Variants in LRRC41 observed in about 807,000 individuals in gnomAD.
LRRC41 encodes leucine rich repeat containing 41.
In LRRC41, 17 loss-of-function variants were observed where a neutral mutation model predicts 72.1. That is an observed-to-expected ratio of 0.24 (90% CI 0.16 to 0.35). The LOEUF is 0.35. Among genes scored for constraint, LRRC41 ranks in the 10% least tolerant of loss-of-function variants. The pLI, the probability that LRRC41 is intolerant of heterozygous loss-of-function variation, is 1.00. For synonymous variants in LRRC41, 427 were observed against 431.0 expected, an observed-to-expected ratio of 0.99 and a Z score of 0.11; for missense variants, 759 against 1,065.0, an observed-to-expected ratio of 0.71 and a Z score of 4.00.
chr1:46,290,970 G>C (rs926461107), intron 3 of LRRC41, among the ~76,000 whole-genome samples: 2 of 137,030 alleles, frequency 1.5e-5, no homozygotes, highest in South Asian at 4.7e-4. Flanking sequence ...TGTTGCCCAG[G>C]CTGGAGTACA....
In LRRC41 at chr1:46,286,248, C is replaced by T. The variant is rs779946767; in HGVS notation, c.609G>A (p.Leu203=). 1 of 1,614,266 alleles carries T rather than the reference C, an allele frequency of 6.2e-7. No homozygotes were observed. Among genetic ancestry groups the T allele is most frequent in the Non-Finnish European group, 8.5e-7 (1 of 1,180,048 alleles). The change falls in exon 4 of 10, where the codon CTG becomes CTA. Residue 203 remains leucine, a synonymous_variant. Coordinates refer to ENST00000617190, the MANE Select transcript of LRRC41 (RefSeq NM_006369.5). This position sits in a 1 kb window ranked among gnomAD's most constrained non-coding sequence, Gnocchi z 5.5. ...GCTGAGCAGCCACATCAGAGAACAG[C>T]AGGTGGCGGAACTTGAGAGTGTGCA... The part of the protein sequence containing the change: ...SSLHTLKFRH[L]LFSDVAAQQS...
Position 46,285,594 on chromosome 1 carries a change from A to G in LRRC41, c.1263T>C (p.Ala421=). 1.2e-6 allele frequency: 2 copies of G among 1,613,714 alleles called. No individual in the cohort carries two copies. The highest frequency in any genetic ancestry group is 1.7e-6 in the Non-Finnish European group (2 of 1,179,708). The stretch of plus-strand genomic sequence containing the variant: ...TCTCTTCGCCATCCTCCTTCTCGCC[A>G]GCCACAATAAAAACGAAGTCATACA... ...EDLYDFVFIV[A]GEKEDGEEME... The change falls in exon 4 of 10, where the codon GCT becomes GCC. Residue 421 remains alanine (A), a synonymous_variant. Transcript: ENST00000617190. The surrounding 1 kb of genome is among the most constrained non-coding windows in gnomAD (Gnocchi z 5.3).
chr1:46,302,146 G>A lies in LRRC41; in HGVS notation c.199+978C>T. ...CCCAGGCCGCCCTCCATCCAGGCCC[G>A]GCCCTTTGGTCCCGGCCGCCTTCAG... is the stretch of plus-strand genomic sequence containing the variant. On this transcript the variant is annotated intron_variant, in intron 1 of 9. Coordinates refer to ENST00000617190, the MANE Select transcript of LRRC41 (RefSeq NM_006369.5). The surrounding 1 kb of genome is among the most constrained non-coding windows in gnomAD (Gnocchi z 4.7). 1 of 984,976 alleles carries A rather than the reference G, an allele frequency of 1.0e-6. No homozygotes were observed. The highest frequency in any genetic ancestry group is 1.2e-6 in the Non-Finnish European group (1 of 829,794). 61.0% of individuals were successfully genotyped at this position (984,976 alleles called of 1,614,324 possible).
At position 46,280,062 on chromosome 1, in the gene LRRC41, T is replaced by C. The variant is rs575964518; in HGVS notation, c.2020+130A>G. ...GTTGGGGCTTTTAGAAGGAAAATCA[T>C]GCAGGTTCTATATCCATTTTATAGC... On this transcript the variant is annotated intron_variant, in intron 7 of 9. Transcript: ENST00000617190. The C allele has an allele frequency of 4.6e-5, 32 of 689,040 alleles. No homozygotes were observed. The African/African-American group carries it at 5.7e-4, about 12-fold the overall frequency. 42.7% of individuals were successfully genotyped at this position (689,040 alleles called of 1,614,324 possible). A position where few individuals can be genotyped will look rare whatever the true frequency, so the allele number is the denominator to read the frequency against.
At chr1:46,288,131 C>T (rs761711587) in intron 3 of LRRC41, among the ~76,000 whole-genome samples, 1 of 152,144 alleles carries the variant, frequency 6.6e-6, no homozygotes, top group African/African-American at 2.4e-5. Flanking sequence ...GAGGTAAGGT[C>T]AAGACATCTT....
intron 1 of LRRC41, chr1:46,301,919 C>T (rs1661238322): frequency 1.0e-6 from 1 of 978,978 alleles, no homozygotes; most frequent in South Asian, 4.7e-5. Context: ...GAGCCAGCAG[C>T]CTCTCAGGCC....
At position 46,279,979 on chromosome 1, in the gene LRRC41, T is replaced by C. The variant is rs967296330; in HGVS notation, c.2020+213A>G. On this transcript the variant is annotated intron_variant, in intron 7 of 9. Coordinates refer to ENST00000617190, the MANE Select transcript of LRRC41 (RefSeq NM_006369.5). This position sits in a 1 kb window ranked among gnomAD's most constrained non-coding sequence, Gnocchi z 4.5. ...TCCACCTCTGAAAGGTAAGAGCAAC[T>C]TTTGGGTGAAGCACTCTAAAAGAGC... Among the ~76,000 whole-genome samples the C allele has an allele frequency of 1.3e-5, 2 of 152,186 alleles. No homozygotes were observed. The highest frequency in any genetic ancestry group is 2.4e-5 in the African/African-American group (1 of 41,438).
At chr1:46,298,258 T>A in intron 2 of LRRC41, 26 bp downstream of exon 2, 1 of 1,475,392 alleles carries the variant, frequency 6.8e-7, no homozygotes, top group South Asian at 1.2e-5. Flanking sequence ...AATCATTGAC[T>A]GAGAAAGAGA....
intron 4 of LRRC41, among the ~76,000 whole-genome samples, chr1:46,282,209 G>C (rs1425584234): frequency 6.6e-6 from 1 of 152,194 alleles, no homozygotes; most frequent in Admixed American, 6.5e-5. Context: ...AAGGCAAAGG[G>C]ATGGTTTAAC....
rs768089427 is a variant in LRRC41 at position 46,280,498 on chromosome 1, A to G, written c.1819T>C (p.Cys607Arg). The part of the protein sequence containing the change: ...PRGAQPAPLL[C>R]SVLKASGSLQ... ...GAACCCGAGGCCTTCAGAACGGAGC[A>G]CAGCAGTGGGGCTGGCTGGGCTCCC... is the stretch of plus-strand genomic sequence containing the variant. The change falls in exon 6 of 10, where the codon TGC becomes CGC. Residue 607 changes from cysteine (C) to arginine (R), a missense_variant. Physicochemically the swap from Cys to Arg is radical, Grantham distance 180 (BLOSUM62 -3). Around this residue, in one of 4 missense-constraint regions of LRRC41, gnomAD observed 427 missense variants for 520.9 expected, o/e 0.82. Coordinates refer to ENST00000617190, the MANE Select transcript of LRRC41 (RefSeq NM_006369.5). The G allele has an allele frequency of 6.2e-7, 1 of 1,614,204 alleles. No individual in the cohort carries two copies. Among genetic ancestry groups the G allele is most frequent in the East Asian group, 2.2e-5 (1 of 44,884 alleles).
chr1:46,296,929 C>T (rs997560884), intron 3 of LRRC41: 1 of 152,180 alleles, frequency 6.6e-6, no homozygotes, highest in African/African-American at 2.4e-5. Flanking sequence ...TCATGTTTCC[C>T]AAGTCTTCTC....
At chr1:46,287,172 G>A (rs368358689) in intron 3 of LRRC41, among the ~76,000 whole-genome samples, 6 of 151,526 alleles carry the variant, frequency 4.0e-5, no homozygotes, top group East Asian at 1.9e-4. Flanking sequence ...CCAGTGGCGT[G>A]ATCTCGGCAC....
rs527241922 is a variant in LRRC41, at chr1:46,285,310, C to G, written c.1495+52G>C. The G allele has an allele frequency of 3.1e-6, 5 of 1,587,306 alleles. No individual in the cohort carries two copies. In the South Asian group the frequency reaches 3.4e-5, roughly 11 times the overall value. On this transcript the variant is annotated intron_variant, in intron 4 of 9. Coordinates refer to ENST00000617190, the MANE Select transcript of LRRC41 (RefSeq NM_006369.5). The surrounding 1 kb of genome is among the most constrained non-coding windows in gnomAD (Gnocchi z 5.3). Reference sequence around the variant, plus strand: ...CACCTCCCTAGAATTAGGCACACAGCTGGTGCTGCTAGGCAATCTAAGCCC... The same window carrying G: ...CACCTCCCTAGAATTAGGCACACAGGTGGTGCTGCTAGGCAATCTAAGCCC...
intron 1 of LRRC41, among the ~76,000 whole-genome samples, chr1:46,301,614 C>T (rs1275183505): frequency 6.6e-6 from 1 of 152,076 alleles, no homozygotes; most frequent in Non-Finnish European, 1.5e-5. Flanking sequence ...CCAGCTTATC[C>T]CGGAGCTTCA....
rs757491349 is a variant in LRRC41 at position 46,297,636 on chromosome 1, G to A, written c.287-3C>T. Reference sequence around the variant, plus strand: ...CCAGATGGCCTGAGTTGAGAGGCCTGTAAGGAGAAATATCACACTTGGCTG... The same window carrying A: ...CCAGATGGCCTGAGTTGAGAGGCCTATAAGGAGAAATATCACACTTGGCTG... On this transcript the variant is annotated splice_region_variant and splice_polypyrimidine_tract_variant and intron_variant, in intron 2 of 9. Coordinates refer to ENST00000617190, the MANE Select transcript of LRRC41 (RefSeq NM_006369.5). 6.2e-7 allele frequency: 1 copy of A among 1,612,264 alleles called. No individual in the cohort carries two copies.
chr1:46,303,467 T>G lies in LRRC41; in HGVS notation c.-145A>C. 2 of 829,020 alleles carry G rather than the reference T, an allele frequency of 2.4e-6. No individual in the cohort carries two copies. Among genetic ancestry groups the G allele is most frequent in the Non-Finnish European group, 3.6e-6 (2 of 549,228 alleles). The allele number at this position is 829,020 out of a possible 1,614,324, so 51.4% of individuals were successfully genotyped here. On this transcript the variant is annotated 5_prime_UTR_variant, in exon 1 of 10. Transcript: ENST00000617190. ...CGAAGAAATTAGCACACTTTCCAAG[T>G]CTCTTAGGAGCTACTATTTTAGATA...
chr1:46,278,785 G>A lies in LRRC41; in HGVS notation c.*80C>T, dbSNP rs1439303797. 7.6e-7 allele frequency: 1 copy of A among 1,316,526 alleles called. No individual in the cohort carries two copies. Among genetic ancestry groups the A allele is most frequent in the Non-Finnish European group, 1.1e-6 (1 of 929,810 alleles). 81.6% of individuals were successfully genotyped at this position (1,316,526 alleles called of 1,614,324 possible). ...ACAGAAAGAGAAAGATAGAACTGGT[G>A]GTTGGGGTTCTGGGCAGCCCATGCT... is the stretch of plus-strand genomic sequence containing the variant. On this transcript the variant is annotated 3_prime_UTR_variant, in exon 10 of 10. Coordinates refer to ENST00000617190, the MANE Select transcript of LRRC41 (RefSeq NM_006369.5).
chr1:46,285,429 T>G lies in LRRC41; in HGVS notation c.1428A>C (p.Ala476=). Residue 476 remains alanine (A), a synonymous_variant, in exon 4 of 10, where the codon GCA becomes GCC. Transcript: ENST00000617190. The surrounding 1 kb of genome is among the most constrained non-coding windows in gnomAD (Gnocchi z 5.3). ...ELFTVPLSTE[A]ALTLCHLLSS... ...TCAGCAGGTGGCATAGTGTCAGGGC[T>G]GCCTCTGTGGAGAGTGGAACTGTGA... 6.2e-7 allele frequency: 1 copy of G among 1,614,174 alleles called. No homozygotes were observed.
chr1:46,297,534 C>G (rs759287818), intron 3 of LRRC41, 29 bp downstream of exon 3: 1 of 1,575,598 alleles, frequency 6.3e-7, no homozygotes, highest in Non-Finnish European at 8.7e-7. Flanking sequence ...CAAAATCAGG[C>G]TAGCATTCTA....
Sources: allele counts gnomAD v4.1 joint callset (sites outside exome capture counted in the v4.1 genomes callset), GRCh38; gene constraint gnomAD v4.1.1; regional missense constraint gnomAD v4.1.1; non-coding constraint Gnocchi (gnomAD v3.1); transcripts MANE v1.5; gene names NCBI Gene and HGNC (gene_info 2026-07-23, HGNC 2026-07-21).